Variants in BBS9 observed in about 807,000 individuals in gnomAD.
The protein encoded by BBS9 is Bardet-Biedl syndrome 9.
In BBS9, 89 loss-of-function variants were observed where a neutral mutation model predicts 117.7. The ratio of observed to expected loss-of-function variants is 0.76; its 90% CI spans 0.64 to 0.90. The LOEUF is 0.90. Ranked by LOEUF, BBS9 falls within the 40% of genes least tolerant of loss-of-function variation. BBS9 has a pLI of 0.00. For missense variants in BBS9, 982 were observed against 1,042.2 expected (o/e 0.94, Z 0.80); for synonymous variants, 379 against 370.9 (o/e 1.02, Z -0.25).
chr7:33,338,189 C>A (rs1410754007), intron 10 of BBS9, among the ~76,000 whole-genome samples: 2 of 151,766 alleles, frequency 1.3e-5, no homozygotes, highest in African/African-American at 2.4e-5. Flanking sequence ...TTCTATGCCA[C>A]CATCATTTAG....
At chr7:33,284,146 C>G (rs904816865) in intron 9 of BBS9, among the ~76,000 whole-genome samples, 1 of 152,166 alleles carries the variant, frequency 6.6e-6, no homozygotes, top group East Asian at 1.9e-4. Flanking sequence ...ACCTGACTCT[C>G]TCTTCCGCTT....
chr7:33,269,585 G>A (rs1287313244), intron 7 of BBS9, among the ~76,000 whole-genome samples: 1 of 152,104 alleles, frequency 6.6e-6, no homozygotes, highest in Non-Finnish European at 1.5e-5. Context: ...GGAGTGCCAA[G>A]CTGTGATTTA....
At chr7:33,227,465 TA>T (rs1159100788) in intron 5 of BBS9, among the ~76,000 whole-genome samples, 3 of 151,800 alleles carry the variant, frequency 2.0e-5, no homozygotes, top group Non-Finnish European at 4.4e-5. Context: ...TTTAAAAAAT[TA>T]AAAAAAAGTT....
At chr7:33,604,781 G>T in intron 21 of BBS9, 84 bp from the exon 22 acceptor site, 1 of 885,026 alleles carries the variant, frequency 1.1e-6, no homozygotes, top group Non-Finnish European at 1.9e-6. Context: ...TTTATGATCA[G>T]TGTGTTCCTA....
chr7:33,250,454 T>C (rs573792319), intron 5 of BBS9, among the ~76,000 whole-genome samples: 2 of 152,304 alleles, frequency 1.3e-5, no homozygotes, highest in East Asian at 3.9e-4. Flanking sequence ...TGAAATCCCA[T>C]TGCTTTTGTG....
chr7:33,129,379 ACT>A (rs532823288), upstream of BBS9: 15 of 398,978 alleles, frequency 3.8e-5, no homozygotes, highest in African/African-American at 3.1e-4. Flanking sequence ...AGTAATTATC[ACT>A]CTCTGCTAAT....
At chr7:33,383,042 C>T (rs909528582) in intron 17 of BBS9, among the ~76,000 whole-genome samples, 3 of 152,086 alleles carry the variant, frequency 2.0e-5, no homozygotes, top group Non-Finnish European at 4.4e-5. Flanking sequence ...ATCATTGTCA[C>T]CATTGTTGTC....
chr7:33,354,857 G>T (rs565135794), intron 15 of BBS9, among the ~76,000 whole-genome samples: 1 of 152,060 alleles, frequency 6.6e-6, no homozygotes, highest in African/African-American at 2.4e-5. Context: ...TAGTAGTTAC[G>T]ACTATCCATT....
chr7:33,227,752 T>C (rs1422470269), intron 5 of BBS9, among the ~76,000 whole-genome samples: 1 of 152,214 alleles, frequency 6.6e-6, no homozygotes, highest in African/African-American at 2.4e-5. Flanking sequence ...AATAATGGCC[T>C]CCAGCTCCAT....
At chr7:33,186,741 C>T (rs374597776) in intron 5 of BBS9, among the ~76,000 whole-genome samples, 2 of 151,988 alleles carry the variant, frequency 1.3e-5, no homozygotes, top group African/African-American at 4.8e-5. Flanking sequence ...TAAAAATGTT[C>T]GTTGTTTTTT....
At chr7:33,622,627 T>A (rs1865464299) in intron 21 of BBS9, among the ~76,000 whole-genome samples, 1 of 152,106 alleles carries the variant, frequency 6.6e-6, no homozygotes, top group South Asian at 2.1e-4. Flanking sequence ...TAAAATACAA[T>A]TTACATGGAA....
intron 6 of BBS9, among the ~76,000 whole-genome samples, chr7:33,258,031 G>A (rs1355299795): frequency 6.6e-6 from 1 of 152,136 alleles, no homozygotes; most frequent in African/African-American, 2.4e-5. Flanking sequence ...GTGTATGAGA[G>A]AGACTGTTTT....
At chr7:33,454,373 G>A (rs989872828) in intron 19 of BBS9, among the ~76,000 whole-genome samples, 5 of 152,170 alleles carry the variant, frequency 3.3e-5, no homozygotes, top group South Asian at 2.1e-4. Context: ...CCTCAGGCTG[G>A]TAGTAGTGAG....
At chr7:33,207,928 C>A (rs575118559) in intron 5 of BBS9, among the ~76,000 whole-genome samples, 3 of 152,098 alleles carry the variant, frequency 2.0e-5, no homozygotes, top group Non-Finnish European at 4.4e-5. Context: ...CTGCCTCAGC[C>A]TCCTGGGTAG....
intron 19 of BBS9, among the ~76,000 whole-genome samples, chr7:33,494,968 A>G (rs1202528897): frequency 6.6e-6 from 1 of 152,228 alleles, no homozygotes; most frequent in African/African-American, 2.4e-5. Flanking sequence ...TCTGAGCCAT[A>G]TAGACATTTA....
At chr7:33,166,147 G>C (rs1382016650) in intron 4 of BBS9, among the ~76,000 whole-genome samples, 2 of 152,246 alleles carry the variant, frequency 1.3e-5, no homozygotes, top group South Asian at 4.1e-4. Flanking sequence ...GACACTGTTT[G>C]TCTGGGTATC....
At chr7:33,591,986 G>T (rs1861998617) in intron 21 of BBS9, among the ~76,000 whole-genome samples, 1 of 152,012 alleles carries the variant, frequency 6.6e-6, no homozygotes, top group Non-Finnish European at 1.5e-5. Context: ...AAAGGGATGT[G>T]TACAGTATTT....
chr7:33,377,963 T>C (rs1211647667), intron 17 of BBS9, among the ~76,000 whole-genome samples: 1 of 152,186 alleles, frequency 6.6e-6, no homozygotes, highest in African/African-American at 2.4e-5. Context: ...CCTAAAATAG[T>C]ACTGTAGTAT....
intron 5 of BBS9, among the ~76,000 whole-genome samples, chr7:33,199,081 C>A (rs1785404335): frequency 6.6e-6 from 1 of 151,924 alleles, no homozygotes; most frequent in Admixed American, 6.6e-5. Flanking sequence ...AATTTGGGAA[C>A]CCAATCAATG....
Sources: gnomAD v4.1 joint callset for allele counts (sites outside exome capture counted in the v4.1 genomes callset) on GRCh38, gnomAD v4.1.1 for gene constraint, MANE v1.5 for transcripts, NCBI Gene and HGNC (gene_info 2026-07-23, HGNC 2026-07-21) for gene names.